PTPN11: variants seen among roughly 807,000 people sequenced by gnomAD.
The protein encoded by PTPN11 is protein tyrosine phosphatase non-receptor type 11.
Under a neutral mutation model 78.8 loss-of-function variants are expected in PTPN11, and 6 were observed. The observed-to-expected ratio is 0.08, with a 90% confidence interval of 0.04 to 0.15. PTPN11 has a LOEUF of 0.15. Among genes scored for constraint, PTPN11 ranks in the 10% least tolerant of loss-of-function variants. PTPN11 has a pLI of 1.00. For synonymous variants in PTPN11, 221 were observed against 263.5 expected (o/e 0.84, Z 1.56); for missense variants, 386 against 744.8 (o/e 0.52, Z 5.61).
chr12:112,428,457 G>A (rs1329699599), intron 1 of PTPN11, among the ~76,000 whole-genome samples: 1 of 145,018 alleles, frequency 6.9e-6, no homozygotes, highest in Non-Finnish European at 1.5e-5. Flanking sequence ...AACCTTTGAG[G>A]CTGGCCCTAT....
In PTPN11 at chr12:112,486,616, G is replaced by A. The variant is rs397516796; in HGVS notation, c.1366G>A (p.Val456Met). 26 of 1,612,630 alleles carry A rather than the reference G, an allele frequency of 1.6e-5. No individual in the cohort carries two copies. Among genetic ancestry groups the A allele is most frequent in the Non-Finnish European group, 2.0e-5 (24 of 1,180,026 alleles). The part of the protein sequence containing the change: ...QESIMDAGPV[V>M]VHCSAGIGRT... ...GAGCATCATGGATGCAGGGCCGGTC[G>A]TGGTGCACTGCAGGTGACAGCTCCT... The change falls in exon 11 of 16, where the codon GTG (valine) becomes ATG (methionine). Residue 456 changes from valine (V) to methionine (M), a missense_variant. By Grantham distance (21) the Val-to-Met change is conservative. This residue lies in a region of PTPN11 where 63 missense variants were observed against 182.2 expected (regional missense o/e 0.35). Coordinates refer to ENST00000351677, the MANE Select transcript of PTPN11 (RefSeq NM_002834.5).
chr12:112,504,876 GT>G lies in PTPN11; in HGVS notation c.*32+84del. ...TTAAGCAGGCAAGCAATTTGGGAAT[GT>G]TTTAGCAAAGTGTACCATAATTGAG... On this transcript the variant is annotated intron_variant, in intron 15 of 15. Coordinates refer to ENST00000351677, the MANE Select transcript of PTPN11 (RefSeq NM_002834.5). The surrounding 1 kb of genome is among the most constrained non-coding windows in gnomAD (Gnocchi z 4.7). The G allele has an allele frequency of 1.1e-6, 1 of 938,460 alleles. No individual in the cohort carries two copies. The highest frequency in any genetic ancestry group is 1.7e-6 in the Non-Finnish European group (1 of 595,666). The allele number at this position is 938,460 out of a possible 1,614,324, so 58.1% of individuals were successfully genotyped here.
chr12:112,499,786 C>T lies in PTPN11; in HGVS notation c.1600-2358C>T, dbSNP rs559401328. ...GCAACATAATGAGACCCCCTCTCTA[C>T]AAAAAATAAAAAAAATTTGGCTGAG... is the stretch of plus-strand genomic sequence containing the variant. On this transcript the variant is annotated intron_variant, in intron 13 of 15. Transcript: ENST00000351677. 6.0e-5 allele frequency among the ~76,000 whole-genome samples: 9 copies of T among 151,150 alleles called. No individual in the cohort carries two copies. In the South Asian group the frequency reaches 1.9e-3, roughly 32 times the overall value.
At position 112,502,273 on chromosome 12, in the gene PTPN11, G is replaced by T. The variant is rs2038884934; in HGVS notation, c.1712+17G>T. The T allele has an allele frequency of 6.3e-7, 1 of 1,593,892 alleles. No homozygotes were observed. Among genetic ancestry groups the T allele is most frequent in the African/African-American group, 1.3e-5 (1 of 74,430 alleles). On this transcript the variant is annotated intron_variant, in intron 14 of 15. Coordinates refer to ENST00000351677, the MANE Select transcript of PTPN11 (RefSeq NM_002834.5). ...CTGTGCAGAGTAAGTAGTGCTGAAG[G>T]AAATTCTTTTTACCTGGTCATGGTG...
At position 112,419,099 on chromosome 12, in the gene PTPN11, G is replaced by A. The variant is rs760374212; in HGVS notation, c.-13G>A. ...GGAGCGGGTCCGTCGCGGAGCCGGA[G>A]GGCGGGAGGAACATGACATCGCGGA... On this transcript the variant is annotated 5_prime_UTR_variant, in exon 1 of 16. Transcript: ENST00000351677. 2.9e-5 allele frequency: 45 copies of A among 1,531,876 alleles called. No individual in the cohort carries two copies. The highest frequency in any genetic ancestry group is 2.4e-4 in the South Asian group (20 of 82,648). 94.9% of individuals were successfully genotyped at this position (1,531,876 alleles called of 1,614,324 possible).
chr12:112,424,774 C>T (rs917405544), intron 1 of PTPN11, among the ~76,000 whole-genome samples: 1 of 151,950 alleles, frequency 6.6e-6, no homozygotes, highest in African/African-American at 2.4e-5. Context: ...GACCTCAGCT[C>T]ACTGCAACCT....
At chr12:112,458,215 GT>G (rs200997966) in intron 6 of PTPN11, among the ~76,000 whole-genome samples, 1 of 151,836 alleles carries the variant, frequency 6.6e-6, no homozygotes, top group Non-Finnish European at 1.5e-5. Flanking sequence ...GTTTTGTTTT[GT>G]TTTTTTTCCT....
intron 13 of PTPN11, among the ~76,000 whole-genome samples, chr12:112,492,406 A>C (rs1471883722): frequency 6.6e-6 from 1 of 152,068 alleles, no homozygotes; most frequent in African/African-American, 2.4e-5. Context: ...TTAGGAACAA[A>C]GTATTTTTCC....
intron 6 of PTPN11, 103 bp from the exon 7 acceptor site, chr12:112,472,841 A>G: frequency 1.0e-6 from 1 of 972,810 alleles, no homozygotes. Context: ...AATTCTGAAC[A>G]TTTCCTAGGA....
At chr12:112,492,772 C>T (rs2038765517) in intron 13 of PTPN11, among the ~76,000 whole-genome samples, 1 of 152,132 alleles carries the variant, frequency 6.6e-6, no homozygotes, top group Non-Finnish European at 1.5e-5. Context: ...CCGCCTTGGC[C>T]TCCCAAAGTG....
chr12:112,472,332 C>T (rs1443325119), intron 6 of PTPN11, among the ~76,000 whole-genome samples: 1 of 152,072 alleles, frequency 6.6e-6, no homozygotes, highest in Non-Finnish European at 1.5e-5. Context: ...ATGATTACAT[C>T]ATATGCTATT....
chr12:112,420,148 A>G (rs1420231185), intron 1 of PTPN11, among the ~76,000 whole-genome samples: 1 of 152,086 alleles, frequency 6.6e-6, no homozygotes, highest in Non-Finnish European at 1.5e-5. Flanking sequence ...GTAAGCCTTA[A>G]TTTTGTTGTC....
At chr12:112,488,674 A>G (rs779050666) in intron 12 of PTPN11, among the ~76,000 whole-genome samples, 164 bp downstream of exon 12, 5 of 152,228 alleles carry the variant, frequency 3.3e-5, no homozygotes, top group Non-Finnish European at 7.3e-5. Context: ...AAGTGACACT[A>G]TTTGAGCTTT....
At chr12:112,453,966 GCTTA>G (rs2038116219) in intron 4 of PTPN11, among the ~76,000 whole-genome samples, 2 of 151,804 alleles carry the variant, frequency 1.3e-5, no homozygotes, top group South Asian at 4.2e-4. Flanking sequence ...GATTTTCTTT[GCTTA>G]CTTAGTCAAG....
intron 1 of PTPN11, among the ~76,000 whole-genome samples, chr12:112,431,477 G>C (rs1489446074): frequency 1.3e-5 from 2 of 152,176 alleles, no homozygotes; most frequent in African/African-American, 4.8e-5. Context: ...CTGTAGAAAT[G>C]TGTGATTAGA....
At chr12:112,465,613 A>G (rs1453164465) in intron 6 of PTPN11, among the ~76,000 whole-genome samples, 1 of 149,816 alleles carries the variant, frequency 6.7e-6, no homozygotes, top group Admixed American at 6.7e-5. Flanking sequence ...TCCTCCTCTA[A>G]CTCCCCTCTG....
chr12:112,441,901 C>T (rs1052268722), intron 1 of PTPN11, among the ~76,000 whole-genome samples: 12 of 151,768 alleles, frequency 7.9e-5, no homozygotes, highest in African/African-American at 1.5e-4. Context: ...CTCAGCCTCC[C>T]GAGTAGCTGG....
At chr12:112,492,611 G>T (rs1038763599) in intron 13 of PTPN11, among the ~76,000 whole-genome samples, 1 of 151,224 alleles carries the variant, frequency 6.6e-6, no homozygotes, top group Non-Finnish European at 1.5e-5. Context: ...TCCACCTCCC[G>T]GGTTGACGCC....
chr12:112,474,225 C>A (rs986446998), intron 7 of PTPN11, among the ~76,000 whole-genome samples: 11 of 152,096 alleles, frequency 7.2e-5, no homozygotes, highest in Non-Finnish European at 1.5e-4. Context: ...TGGTGGATGC[C>A]TGTAATCCCA....
Sources: gnomAD v4.1 joint callset for allele counts (sites outside exome capture counted in the v4.1 genomes callset) on GRCh38, gnomAD v4.1.1 for gene constraint, gnomAD v4.1.1 regional missense constraint, Gnocchi (gnomAD v3.1) non-coding constraint, MANE v1.5 for transcripts, NCBI Gene and HGNC (gene_info 2026-07-23, HGNC 2026-07-21) for gene names.